LSAMP: variants seen among roughly 807,000 people sequenced by gnomAD.
LSAMP encodes limbic system-associated membrane protein.
A neutral mutation model predicts 38.6 loss-of-function variants in LSAMP; 7 were observed. The observed-to-expected ratio is 0.18, with a 90% confidence interval of 0.10 to 0.34. The LOEUF is 0.34. Among genes scored for constraint, LSAMP ranks in the 10% least tolerant of loss-of-function variants. The pLI, the probability that LSAMP is intolerant of heterozygous loss-of-function variation, is 1.00. For synonymous variants in LSAMP, 154 were observed against 166.8 expected (o/e 0.92, Z 0.59); for missense variants, 313 against 420.0 (o/e 0.75, Z 2.23).
rs1295492592 is a variant in LSAMP at position 115,804,331 on chromosome 3, C to T, written c.*5986G>A. On this transcript the variant is annotated 3_prime_UTR_variant, in exon 7 of 7. Coordinates refer to ENST00000490035, the MANE Select transcript of LSAMP (RefSeq NM_002338.5). Reference sequence around the variant, plus strand: ...TTAGAGTTGAAAGAGATTTTAGAGACGTCAGCCGAATCCCTCACTTTCAGG... The same window carrying T: ...TTAGAGTTGAAAGAGATTTTAGAGATGTCAGCCGAATCCCTCACTTTCAGG... The T allele has an allele frequency of 2.0e-5, 3 of 152,312 alleles. No individual in the cohort carries two copies. The highest frequency in any genetic ancestry group is 4.4e-5 in the Non-Finnish European group (3 of 68,030). The allele number at this position is 152,312 out of a possible 1,614,324, so 9.4% of individuals were successfully genotyped here.
chr3:115,897,110 A>G (rs1936747952), intron 3 of LSAMP, among the ~76,000 whole-genome samples: 1 of 152,100 alleles, frequency 6.6e-6, no homozygotes, highest in South Asian at 2.1e-4. Context: ...GGTGACCCTT[A>G]CCAGAGAATC....
intron 1 of LSAMP, among the ~76,000 whole-genome samples, chr3:116,119,069 C>G (rs1708816419): frequency 6.6e-6 from 1 of 152,090 alleles, no homozygotes; most frequent in Admixed American, 6.5e-5. Context: ...TATATTCTGA[C>G]ATTATAAAAT....
At chr3:116,372,812 A>T (rs988934677) in intron 1 of LSAMP, among the ~76,000 whole-genome samples, 3 of 151,526 alleles carry the variant, frequency 2.0e-5, no homozygotes, top group Non-Finnish European at 4.4e-5. Context: ...ATTAGGGAAA[A>T]GCAAATCAAA....
At chr3:116,022,116 G>A (rs1160859435) in intron 2 of LSAMP, among the ~76,000 whole-genome samples, 1 of 151,950 alleles carries the variant, frequency 6.6e-6, no homozygotes, top group African/African-American at 2.4e-5. Context: ...CTTTCAATGG[G>A]TCTTACTCCA....
In LSAMP at chr3:116,189,594, G is replaced by A. The variant is rs190905025; in HGVS notation, c.156-103038C>T. On this transcript the variant is annotated intron_variant, in intron 1 of 6. Coordinates refer to ENST00000490035, the MANE Select transcript of LSAMP (RefSeq NM_002338.5). ...ACTCAGCCCTGTGAACACATTGCCT[G>A]CAAACTTCCAAAGCTGCTTGGATTC... Among the ~76,000 whole-genome samples the A allele has an allele frequency of 7.9e-5, 12 of 152,270 alleles. 1 individual carries two copies. The highest frequency in any genetic ancestry group is 5.9e-4 in the Admixed American group (9 of 15,292).
intron 1 of LSAMP, among the ~76,000 whole-genome samples, chr3:116,294,729 T>G (rs1298641188): frequency 6.6e-6 from 1 of 152,168 alleles, no homozygotes; most frequent in Non-Finnish European, 1.5e-5. Context: ...GTGGATAATA[T>G]TTGATGTGGG....
chr3:116,225,082 A>G (rs1022972194), intron 1 of LSAMP, among the ~76,000 whole-genome samples: 5 of 152,204 alleles, frequency 3.3e-5, no homozygotes, highest in African/African-American at 1.2e-4. Flanking sequence ...GGGAAATTTG[A>G]ATATGGACAA....
intron 3 of LSAMP, among the ~76,000 whole-genome samples, chr3:115,864,154 C>A (rs1036907995): frequency 2.0e-5 from 3 of 152,096 alleles, no homozygotes; most frequent in African/African-American, 7.2e-5. Flanking sequence ...GCACTTTGCC[C>A]ATGATTGAGA....
chr3:115,969,640 T>C (rs564339606), intron 3 of LSAMP, among the ~76,000 whole-genome samples: 1 of 152,342 alleles, frequency 6.6e-6, no homozygotes, highest in African/African-American at 2.4e-5. Flanking sequence ...TATCATTCGT[T>C]TGTTTTAAAT....
At chr3:115,875,752 T>G (rs16824221) in intron 3 of LSAMP, among the ~76,000 whole-genome samples, 2 of 151,728 alleles carry the variant, frequency 1.3e-5, no homozygotes, top group Non-Finnish European at 2.9e-5. Context: ...ATAGGCCTTA[T>G]GATTGTGTTA....
chr3:116,418,498 TA>T (rs202099692), intron 1 of LSAMP, among the ~76,000 whole-genome samples: 6 of 152,250 alleles, frequency 3.9e-5, no homozygotes, highest in South Asian at 2.1e-4. Flanking sequence ...TGTTTTTTTT[TA>T]AATTTATTTT....
chr3:116,060,016 G>A (rs1941564514), intron 2 of LSAMP, among the ~76,000 whole-genome samples: 1 of 152,154 alleles, frequency 6.6e-6, no homozygotes, highest in African/African-American at 2.4e-5. Flanking sequence ...GGCAGAAAAT[G>A]CTGATAATAA....
intron 3 of LSAMP, among the ~76,000 whole-genome samples, chr3:115,919,405 G>A (rs543783780): frequency 6.6e-6 from 1 of 152,286 alleles, no homozygotes; most frequent in South Asian, 2.1e-4. Flanking sequence ...GAGGGTATAA[G>A]TGCCTTACAT....
At chr3:116,280,401 A>AGTCC (rs2047113215) in intron 1 of LSAMP, among the ~76,000 whole-genome samples, 1 of 152,166 alleles carries the variant, frequency 6.6e-6, no homozygotes, top group African/African-American at 2.4e-5. Flanking sequence ...CTTGTATTAA[A>AGTCC]CTGAGAAAGA....
intron 3 of LSAMP, among the ~76,000 whole-genome samples, chr3:115,996,853 A>T (rs951818902): frequency 3.3e-5 from 5 of 152,148 alleles, no homozygotes; most frequent in African/African-American, 1.2e-4. Context: ...GATGGATTGG[A>T]TCCTGGCCAG....
intron 1 of LSAMP, among the ~76,000 whole-genome samples, chr3:116,327,108 G>C (rs1195539305): frequency 6.6e-6 from 1 of 152,110 alleles, no homozygotes; most frequent in Non-Finnish European, 1.5e-5. Flanking sequence ...ATCACCTAAG[G>C]ATCTTGTTAA....
chr3:116,350,084 G>A (rs2048116388), intron 1 of LSAMP, among the ~76,000 whole-genome samples: 1 of 151,886 alleles, frequency 6.6e-6, no homozygotes, highest in African/African-American at 2.4e-5. Flanking sequence ...TGTTACTTTG[G>A]ATATTAAAAT....
At chr3:116,075,192 C>T (rs1450758540) in intron 2 of LSAMP, among the ~76,000 whole-genome samples, 1 of 143,784 alleles carries the variant, frequency 7.0e-6, no homozygotes, top group Non-Finnish European at 1.5e-5. Context: ...GGCTGGAGTG[C>T]AGTGGCCAAT....
chr3:115,910,684 C>T (rs956914419), intron 3 of LSAMP, among the ~76,000 whole-genome samples: 27 of 152,188 alleles, frequency 1.8e-4, no homozygotes, highest in African/African-American at 6.0e-4. Flanking sequence ...TATAGCCACA[C>T]CACTTCTCTC....
Sources: gnomAD v4.1 joint callset for allele counts (sites outside exome capture counted in the v4.1 genomes callset) on GRCh38, gnomAD v4.1.1 for gene constraint, MANE v1.5 for transcripts, NCBI Gene and HGNC (gene_info 2026-07-23, HGNC 2026-07-21) for gene names.